Variants in NRG3 observed in about 807,000 individuals in gnomAD.
The protein encoded by NRG3 is neuregulin 3.
In NRG3, 31 loss-of-function variants were observed where a neutral mutation model predicts 66.9. The ratio of observed to expected loss-of-function variants is 0.46; its 90% confidence interval spans 0.35 to 0.63. The LOEUF is 0.63. NRG3 is among the 20% of genes least tolerant of loss of function. The probability of loss-of-function intolerance (pLI) is 0.00; values close to 1 mark genes in which losing one functional copy is unlikely to be tolerated. For missense variants in NRG3, 910 were observed against 878.9 expected, an observed-to-expected ratio of 1.04 and a Z score of -0.45; for synonymous variants, 393 against 359.4, an observed-to-expected ratio of 1.09 and a Z score of -1.06.
intron 7 of NRG3, among the ~76,000 whole-genome samples, chr10:82,976,701 G>T (rs1318487446): frequency 6.6e-6 from 1 of 152,164 alleles, no homozygotes; most frequent in Non-Finnish European, 1.5e-5. Context: ...TCTGGTTTCT[G>T]TGGGTTCAGT....
At position 82,003,602 on chromosome 10, in the gene NRG3, T is replaced by C. The variant is rs180718764; in HGVS notation, c.823+127439T>C. Among the ~76,000 whole-genome samples, 11 of 152,244 alleles carry C rather than the reference T, an allele frequency of 7.2e-5. No homozygotes were observed. The East Asian group carries it at 1.9e-3, about 27-fold the overall frequency. ...AAGAATGACAGAGTGGCCAGTTACA[T>C]TGAAGGCTGTTTAAAGTCGAGAAGG... On this transcript the variant is annotated intron_variant, in intron 1 of 8. Transcript: ENST00000372141.
chr10:82,938,981 C>T (rs1239175390), intron 4 of NRG3, among the ~76,000 whole-genome samples: 2 of 152,278 alleles, frequency 1.3e-5, no homozygotes, highest in Admixed American at 6.5e-5. Flanking sequence ...TCGGACACCA[C>T]AGACTGGGAT....
intron 1 of NRG3, among the ~76,000 whole-genome samples, chr10:81,906,075 G>A (rs1029368526): frequency 6.6e-6 from 1 of 152,100 alleles, no homozygotes; most frequent in African/African-American, 2.4e-5. Context: ...GTACCTTGTT[G>A]TAATGTACTT....
intron 1 of NRG3, among the ~76,000 whole-genome samples, chr10:82,149,832 C>A (rs2132757831): frequency 6.6e-6 from 1 of 152,100 alleles, no homozygotes; most frequent in African/African-American, 2.4e-5. Flanking sequence ...AAGCCCTTGT[C>A]CACAGCCCAG....
intron 1 of NRG3, among the ~76,000 whole-genome samples, chr10:81,962,355 A>G (rs1386135754): frequency 1.3e-5 from 2 of 152,168 alleles, no homozygotes; most frequent in African/African-American, 2.4e-5. Context: ...TGCTACCACC[A>G]TTGCATGAAA....
chr10:82,791,661 A>G (rs895250183), intron 3 of NRG3, among the ~76,000 whole-genome samples: 3 of 152,144 alleles, frequency 2.0e-5, no homozygotes, highest in African/African-American at 7.2e-5. Context: ...ATCCCTGGGA[A>G]TATGTAGAGA....
intron 3 of NRG3, among the ~76,000 whole-genome samples, chr10:82,818,300 G>C (rs369072220): frequency 5.1e-4 from 78 of 152,188 alleles, no homozygotes; most frequent in African/African-American, 1.8e-3. Context: ...CCACTTGCTG[G>C]TTCTGGCCAG....
intron 1 of NRG3, among the ~76,000 whole-genome samples, chr10:82,034,728 C>A (rs1451222501): frequency 1.3e-5 from 2 of 151,336 alleles, no homozygotes; most frequent in East Asian, 2.0e-4. Flanking sequence ...TTCTTTAAAT[C>A]CTTCATGGTT....
intron 2 of NRG3, among the ~76,000 whole-genome samples, chr10:82,613,320 A>G (rs967866598): frequency 1.3e-5 from 2 of 152,026 alleles, no homozygotes; most frequent in African/African-American, 4.8e-5. Flanking sequence ...AAGGGCTTAT[A>G]TCTGTAATTT....
chr10:82,030,651 G>A (rs10748871), intron 1 of NRG3, among the ~76,000 whole-genome samples: 60,279 of 150,852 alleles, frequency 0.4, 11,987 homozygotes, highest in African/African-American at 0.44. Flanking sequence ...TTTCCATTTC[G>A]TTTTCCTTTT....
chr10:82,802,656 T>A (rs2135445480), intron 3 of NRG3, among the ~76,000 whole-genome samples: 1 of 152,212 alleles, frequency 6.6e-6, no homozygotes, highest in South Asian at 2.1e-4. Context: ...TATTTTTATT[T>A]TTTTTAAATT....
chr10:82,719,907 T>C (rs974648808), intron 2 of NRG3, among the ~76,000 whole-genome samples: 1 of 152,210 alleles, frequency 6.6e-6, no homozygotes, highest in Admixed American at 6.5e-5. Flanking sequence ...AGCATATGAA[T>C]TGAGAGATTA....
intron 2 of NRG3, among the ~76,000 whole-genome samples, chr10:82,415,679 G>A (rs578075433): frequency 2.0e-5 from 3 of 152,080 alleles, no homozygotes; most frequent in South Asian, 2.1e-4. Context: ...GTTGAGTCAC[G>A]CTACTCCAGA....
At chr10:82,567,457 T>C (rs537908494) in intron 2 of NRG3, among the ~76,000 whole-genome samples, 1 of 152,074 alleles carries the variant, frequency 6.6e-6, no homozygotes, top group South Asian at 2.1e-4. Flanking sequence ...TGCCTGGGTA[T>C]AAAGAATGTA....
intron 2 of NRG3, among the ~76,000 whole-genome samples, chr10:82,723,202 C>A (rs1185539957): frequency 6.6e-6 from 1 of 152,078 alleles, no homozygotes; most frequent in Non-Finnish European, 1.5e-5. Context: ...TTATCCTAAG[C>A]AAATTAGTAT....
At chr10:81,993,518 AT>A (rs891856580) in intron 1 of NRG3, among the ~76,000 whole-genome samples, 3 of 151,034 alleles carry the variant, frequency 2.0e-5, no homozygotes, top group East Asian at 2.0e-4. Context: ...AGCTAATTTA[AT>A]TTTTTTTTGT....
chr10:82,873,473 T>C (rs1450384168), intron 4 of NRG3, among the ~76,000 whole-genome samples: 1 of 152,208 alleles, frequency 6.6e-6, no homozygotes, highest in Non-Finnish European at 1.5e-5. Flanking sequence ...TCATGAGTGA[T>C]GTGAGAAACA....
intron 2 of NRG3, among the ~76,000 whole-genome samples, chr10:82,584,589 G>A (rs2046554108): frequency 6.6e-6 from 1 of 152,068 alleles, no homozygotes; most frequent in Admixed American, 6.6e-5. Flanking sequence ...CTTTCCTTTG[G>A]GAATGAATAT....
chr10:82,061,869 A>T (rs146769746), intron 1 of NRG3, among the ~76,000 whole-genome samples: 184 of 129,060 alleles, frequency 1.4e-3, no homozygotes, highest in African/African-American at 2.1e-3. Context: ...TCTCACACAC[A>T]CAAACACACA....
Sources: allele counts gnomAD v4.1 joint callset (sites outside exome capture counted in the v4.1 genomes callset), GRCh38; gene constraint gnomAD v4.1.1; transcripts MANE v1.5; gene names NCBI Gene and HGNC (gene_info 2026-07-23, HGNC 2026-07-21).